AGRN: variants seen among roughly 807,000 people sequenced by gnomAD.
The protein encoded by AGRN is agrin proteoglycan.
In AGRN, 106 loss-of-function variants were observed where a neutral mutation model predicts 211.0. That is an observed-to-expected ratio of 0.50 (90% confidence interval 0.43 to 0.59). The LOEUF (loss-of-function observed/expected upper bound fraction) is 0.59. Among genes scored for constraint, AGRN ranks in the 20% least tolerant of loss-of-function variants. AGRN has a pLI of 0.00. For missense variants in AGRN, 3,040 were observed against 2,982.6 expected, an observed-to-expected ratio of 1.02 and a Z score of -0.45; for synonymous variants, 1,525 against 1,332.5, an observed-to-expected ratio of 1.14 and a Z score of -3.15.
chr1:1,048,691 T>C lies in AGRN; in HGVS notation c.4106-176T>C. 1.3e-6 allele frequency: 1 copy of C among 752,230 alleles called. No individual in the cohort carries two copies. Among genetic ancestry groups the C allele is most frequent in the Non-Finnish European group, 2.1e-6 (1 of 486,686 alleles). The allele number at this position is 752,230 out of a possible 1,614,324, so 46.6% of individuals were successfully genotyped here. The stretch of plus-strand genomic sequence containing the variant: ...CTGAGGCAGGAGAATCGCTTGAACC[T>C]GGCAGGCGGAGGTTGCGGTGAGCCA... On this transcript the variant is annotated intron_variant, in intron 23 of 35. Coordinates refer to ENST00000379370, the MANE Select transcript of AGRN (RefSeq NM_198576.4). This position sits in a 1 kb window ranked among gnomAD's most constrained non-coding sequence, Gnocchi z 5.9.
chr1:1,046,234 A>G lies in AGRN; in HGVS notation c.2880A>G (p.Gln960=). ...LKTIACRQGL[Q]ISIQSLGPCQ... is the part of the protein sequence containing the mutation. ...CCATCGCCTGCCGCCAGGGCCTGCA[A>G]ATCTCTATCCAGAGCCTGGGCCCGT... Residue 960 remains glutamine (Q), a synonymous_variant, in exon 17 of 36, where the codon CAA becomes CAG. Transcript: ENST00000379370. The G allele has an allele frequency of 1.2e-6, 2 of 1,613,584 alleles. No individual in the cohort carries two copies. The highest frequency in any genetic ancestry group is 1.7e-6 in the Non-Finnish European group (2 of 1,179,988).
intron 12 of AGRN, among the ~76,000 whole-genome samples, chr1:1,044,748 T>A (rs1393983961): frequency 6.6e-6 from 1 of 152,116 alleles, no homozygotes; most frequent in Non-Finnish European, 1.5e-5. Flanking sequence ...ATCACATCAA[T>A]TAGGTAAAAG....
intron 33 of AGRN, chr1:1,053,316 G>A (rs1645362862): frequency 1.8e-5 from 12 of 655,194 alleles, no homozygotes; most frequent in Non-Finnish European, 2.4e-5. Context: ...TCCCTGCTGG[G>A]CTCTTTGGTG....
Position 1,055,508 on chromosome 1 carries a change from G to A in AGRN, c.*527G>A. Reference sequence around the variant, plus strand: ...CACAGCTCTGCGTTGCTCCCGTGCTGCCTGCGCCAGCCCCAGGCTGCTGAG... The same window carrying A: ...CACAGCTCTGCGTTGCTCCCGTGCTACCTGCGCCAGCCCCAGGCTGCTGAG... On this transcript the variant is annotated 3_prime_UTR_variant, in exon 36 of 36. Transcript: ENST00000379370. 1 of 216,240 alleles carries A rather than the reference G, an allele frequency of 4.6e-6. No individual in the cohort carries two copies. Among genetic ancestry groups the A allele is most frequent in the South Asian group, 7.2e-5 (1 of 13,814 alleles). 13.4% of individuals were successfully genotyped at this position (216,240 alleles called of 1,614,324 possible). A position where few individuals can be genotyped will look rare whatever the true frequency, so the allele number is the denominator to read the frequency against.
chr1:1,055,056 C>G lies in AGRN; in HGVS notation c.*75C>G, dbSNP rs572679323. On this transcript the variant is annotated 3_prime_UTR_variant, in exon 36 of 36. Coordinates refer to ENST00000379370, the MANE Select transcript of AGRN (RefSeq NM_198576.4). ...ACTTGTTGCTTTTTGATATGATTTT[C>G]TTGCCTGAGTGTTGGCCGGAGGGAC... 128 of 1,533,828 alleles carry G rather than the reference C, an allele frequency of 8.3e-5. No homozygotes were observed. The highest frequency in any genetic ancestry group is 1.1e-4 in the African/African-American group (8 of 72,902).
intron 33 of AGRN, 140 bp from the exon 34 acceptor site, chr1:1,053,613 T>A (rs1293802388): frequency 1.3e-6 from 2 of 1,494,272 alleles, no homozygotes; most frequent in African/African-American, 1.4e-5. Context: ...CCTCCCACTG[T>A]CGGTGTCTGC....
intron 2 of AGRN, among the ~76,000 whole-genome samples, chr1:1,033,314 A>G (rs1456718641): frequency 6.6e-6 from 1 of 150,584 alleles, no homozygotes; most frequent in Non-Finnish European, 1.5e-5. Context: ...GCCCTCCCCC[A>G]CCTACGCCCC....
chr1:1,048,656 C>A lies in AGRN; in HGVS notation c.4106-211C>A, dbSNP rs1275679097. On this transcript the variant is annotated intron_variant, in intron 23 of 35. Coordinates refer to ENST00000379370, the MANE Select transcript of AGRN (RefSeq NM_198576.4). This position sits in a 1 kb window ranked among gnomAD's most constrained non-coding sequence, Gnocchi z 5.9. ...GTGGTGGTGGGCGCCTGTAATCCCA[C>A]CTCGTGAGGCTGAGGCAGGAGAATC... is the stretch of plus-strand genomic sequence containing the variant. 3 of 644,284 alleles carry A rather than the reference C, an allele frequency of 4.7e-6. No individual in the cohort carries two copies. Among genetic ancestry groups the A allele is most frequent in the Non-Finnish European group, 7.7e-6 (3 of 387,424 alleles). 39.9% of individuals were successfully genotyped at this position (644,284 alleles called of 1,614,324 possible). A position where few individuals can be genotyped will look rare whatever the true frequency, so the allele number is the denominator to read the frequency against.
At chr1:1,047,478 C>T in intron 20 of AGRN, 24 bp downstream of exon 20, 1 of 1,612,798 alleles carries the variant, frequency 6.2e-7, no homozygotes, top group Non-Finnish European at 8.5e-7. Flanking sequence ...GCAGCCCCCA[C>T]CTACCCACTG....
rs1645171320 is a variant in AGRN, at chr1:1,048,612, A to C, written c.4105+247A>C. 5.1e-6 allele frequency: 3 copies of C among 592,966 alleles called. No individual in the cohort carries two copies. In the East Asian group the frequency reaches 8.7e-5, roughly 17 times the overall value. The allele number at this position is 592,966 out of a possible 1,614,324, so 36.7% of individuals were successfully genotyped here. On this transcript the variant is annotated intron_variant, in intron 23 of 35. Coordinates refer to ENST00000379370, the MANE Select transcript of AGRN (RefSeq NM_198576.4). This position sits in a 1 kb window ranked among gnomAD's most constrained non-coding sequence, Gnocchi z 5.9. ...ATGGAGACACTCTGTCTCTACTAAA[A>C]ATACAAAATTAGCCGGGCGTGGTGG...
At position 1,041,792 on chromosome 1, in the gene AGRN, TCGAGG is replaced by T. The variant is rs1266491527; in HGVS notation, c.1177+91_1177+95del. ...GGGAGGGCTCCGGCCAGTGCCAGGG[TCGAGG>T]TGGGCGGCTCCCCCGGGGGAGGGCT... On this transcript the variant is annotated intron_variant, in intron 6 of 35. Coordinates refer to ENST00000379370, the MANE Select transcript of AGRN (RefSeq NM_198576.4). The T allele has an allele frequency of 8.8e-3, 2,496 of 282,346 alleles. 64 individuals carry two copies. The highest frequency in any genetic ancestry group is 0.053 in the African/African-American group (2,101 of 39,980). The allele number at this position is 282,346 out of a possible 1,614,324, so 17.5% of individuals were successfully genotyped here.
At chr1:1,053,441 C>T (rs1233449809) in intron 33 of AGRN, 4 of 1,440,052 alleles carry the variant, frequency 2.8e-6, no homozygotes, top group South Asian at 2.4e-5. Flanking sequence ...CACCCGCCTC[C>T]CTCTCTTCCT....
At position 1,055,001 on chromosome 1, in the gene AGRN, G is replaced by T; in HGVS notation, c.*20G>T. 1 of 1,546,472 alleles carries T rather than the reference G, an allele frequency of 6.5e-7. No homozygotes were observed. Among genetic ancestry groups the T allele is most frequent in the East Asian group, 2.4e-5 (1 of 40,916 alleles). On this transcript the variant is annotated 3_prime_UTR_variant, in exon 36 of 36. Transcript: ENST00000379370. ...CCATGAGCTGGCACCAGAGCCCCGC[G>T]CCCGCTGTAATTATTTTCTATTTTT...
At chr1:1,050,129 G>C in intron 27 of AGRN, 92 bp downstream of exon 27, 4 of 1,585,862 alleles carry the variant, frequency 2.5e-6, no homozygotes, top group Non-Finnish European at 3.5e-6. Flanking sequence ...GTTAGGATGC[G>C]GCTCAGTCTA....
At chr1:1,027,286 A>C (rs896668166) in intron 2 of AGRN, among the ~76,000 whole-genome samples, 1 of 152,206 alleles carries the variant, frequency 6.6e-6, no homozygotes, top group African/African-American at 2.4e-5. Context: ...CTGCAGCCTC[A>C]GATGTACCAG....
intron 2 of AGRN, 136 bp downstream of exon 2, chr1:1,022,598 C>CCTGTGGT: frequency 1.3e-6 from 1 of 797,194 alleles, no homozygotes; most frequent in African/African-American, 1.7e-5. Context: ...TGTGGTCCAA[C>CCTGTGGT]CTCATTCTCT....
chr1:1,034,681 G>A (rs1039202643), intron 2 of AGRN: 16 of 989,480 alleles, frequency 1.6e-5, no homozygotes, highest in South Asian at 4.6e-5. Context: ...TCGGCTTCGC[G>A]GTGCTGCTGT....
chr1:1,051,792 G>A lies in AGRN; in HGVS notation c.5628G>A (p.Glu1876=), dbSNP rs1294051443. The change falls in exon 33 of 36, where the codon GAG becomes GAA. Residue 1876 remains glutamate (E), a synonymous_variant. Transcript: ENST00000379370. Reference sequence around the variant, plus strand: ...CCTTTGACGGGCGGACCTTTGTCGAGTACCTCAACGCTGTGACCGAGAGGT... The same window carrying A: ...CCTTTGACGGGCGGACCTTTGTCGAATACCTCAACGCTGTGACCGAGAGGT... ...TLAFDGRTFV[E]YLNAVTESEK... The A allele has an allele frequency of 6.2e-7, 1 of 1,613,794 alleles. No homozygotes were observed. Among genetic ancestry groups the A allele is most frequent in the Admixed American group, 1.7e-5 (1 of 60,028 alleles).
At position 1,032,088 on chromosome 1, in the gene AGRN, G is replaced by A. The variant is rs1181489590; in HGVS notation, c.464-3189G>A. 6.6e-6 allele frequency among the ~76,000 whole-genome samples: 1 copy of A among 152,194 alleles called. No homozygotes were observed. The highest frequency in any genetic ancestry group is 1.5e-5 in the Non-Finnish European group (1 of 68,044). On this transcript the variant is annotated intron_variant, in intron 2 of 35. Transcript: ENST00000379370. The surrounding 1 kb of genome is among the most constrained non-coding windows in gnomAD (Gnocchi z 4.7). ...GGACAGTGCCAAGGTCCAGCAGGGTGGGGTGGTTGGGGTAGGAGCTCCCCT... is the reference window on the plus strand; with the variant it reads ...GGACAGTGCCAAGGTCCAGCAGGGTAGGGTGGTTGGGGTAGGAGCTCCCCT...
Sources: gnomAD v4.1 joint callset for allele counts (sites outside exome capture counted in the v4.1 genomes callset) on GRCh38, gnomAD v4.1.1 for gene constraint, Gnocchi (gnomAD v3.1) non-coding constraint, MANE v1.5 for transcripts, NCBI Gene and HGNC (gene_info 2026-07-23, HGNC 2026-07-21) for gene names.